The following STK32B variants were observed in gnomAD, a reference collection of about 807,000 sequenced individuals.
The protein encoded by STK32B is serine/threonine-protein kinase 32B.
STK32B carries 43 observed loss-of-function variants against 52.6 expected under a neutral mutation model. That is an observed-to-expected ratio of 0.82 (90% CI 0.64 to 1.05). The LOEUF is 1.05. Among genes scored for constraint, STK32B ranks in the 50% least tolerant of loss-of-function variants. The pLI, the probability that STK32B is intolerant of heterozygous loss-of-function variation, is 0.00. For missense variants in STK32B, 621 were observed against 534.6 expected (o/e 1.16, Z -1.59); for synonymous variants, 238 against 204.3 (o/e 1.17, Z -1.41).
At chr4:5,115,166 C>T (rs142017486) in intron 1 of STK32B, among the ~76,000 whole-genome samples, 1 of 152,238 alleles carries the variant, frequency 6.6e-6, no homozygotes, top group East Asian at 1.9e-4. Context: ...GTTGAGTGTG[C>T]TGTGTTGGCT....
At chr4:5,216,361 G>A (rs1723183614) in intron 3 of STK32B, among the ~76,000 whole-genome samples, 1 of 152,200 alleles carries the variant, frequency 6.6e-6, no homozygotes, top group African/African-American at 2.4e-5. Flanking sequence ...AGCAGACACA[G>A]TGCTTACCCT....
chr4:5,060,480 G>C (rs1466008555), intron 1 of STK32B, among the ~76,000 whole-genome samples: 1 of 151,458 alleles, frequency 6.6e-6, no homozygotes, highest in Non-Finnish European at 1.5e-5. Context: ...ATTTTTATTT[G>C]TTTTCTTTTT....
intron 3 of STK32B, among the ~76,000 whole-genome samples, chr4:5,188,661 T>A (rs1720932781): frequency 6.6e-6 from 1 of 152,184 alleles, no homozygotes; most frequent in African/African-American, 2.4e-5. Flanking sequence ...GTGGCTACAC[T>A]TTCACCTGGG....
chr4:5,102,108 C>T (rs1246491811), intron 1 of STK32B, among the ~76,000 whole-genome samples: 1 of 152,196 alleles, frequency 6.6e-6, no homozygotes, highest in Non-Finnish European at 1.5e-5. Context: ...GTCGGATGAT[C>T]CCTGTCCTTT....
chr4:5,334,757 C>T (rs1164823556), intron 4 of STK32B, among the ~76,000 whole-genome samples: 3 of 151,658 alleles, frequency 2.0e-5, no homozygotes, highest in African/African-American at 7.3e-5. Context: ...GTCTTTGGTT[C>T]TGTTTATATG....
Position 5,461,328 on chromosome 4 carries a change from A to G in STK32B, c.909+1100A>G, listed in dbSNP as rs182904165. On this transcript the variant is annotated intron_variant, in intron 9 of 11. Coordinates refer to ENST00000282908, the MANE Select transcript of STK32B (RefSeq NM_018401.3). Reference sequence around the variant, plus strand: ...GGTGGAGACTCCAGCCTGGAAGGCAAGAGATTTCTAGGCTGGTTCCTGGGG... The same window carrying G: ...GGTGGAGACTCCAGCCTGGAAGGCAGGAGATTTCTAGGCTGGTTCCTGGGG... 7.9e-5 allele frequency among the ~76,000 whole-genome samples: 12 copies of G among 152,154 alleles called. 1 individual carries two copies. Among genetic ancestry groups the G allele is most frequent in the African/African-American group, 2.4e-4 (10 of 41,540 alleles).
At chr4:5,338,225 A>AT (rs1199333774) in intron 4 of STK32B, among the ~76,000 whole-genome samples, 3,791 of 152,354 alleles carry the variant, frequency 0.025, 71 homozygotes, top group South Asian at 0.064. Flanking sequence ...ACTTTGATAC[A>AT]AATAACAGAA....
chr4:5,251,217 C>T (rs1489875366), intron 3 of STK32B, among the ~76,000 whole-genome samples: 1 of 152,100 alleles, frequency 6.6e-6, no homozygotes, highest in African/African-American at 2.4e-5. Flanking sequence ...GTTAATCCAT[C>T]TTGTGTTGGT....
chr4:5,226,377 T>C (rs1330028674), intron 3 of STK32B, among the ~76,000 whole-genome samples: 7 of 152,194 alleles, frequency 4.6e-5, no homozygotes, highest in Non-Finnish European at 7.3e-5. Context: ...CATGGTTTCA[T>C]TCTCCATGGT....
chr4:5,144,020 G>T (rs372917604), intron 2 of STK32B, among the ~76,000 whole-genome samples: 1 of 152,192 alleles, frequency 6.6e-6, no homozygotes, highest in Non-Finnish European at 1.5e-5. Flanking sequence ...CTTTAGAGTG[G>T]TTGCCAGAGG....
chr4:5,119,412 C>A (rs1279474943), intron 1 of STK32B, among the ~76,000 whole-genome samples: 3 of 152,234 alleles, frequency 2.0e-5, no homozygotes, highest in African/African-American at 7.2e-5. Context: ...TTTGCCATTT[C>A]CACATGGAAA....
At chr4:5,482,471 T>G (rs1433214534) in intron 11 of STK32B, among the ~76,000 whole-genome samples, 2 of 152,172 alleles carry the variant, frequency 1.3e-5, no homozygotes, top group East Asian at 3.9e-4. Context: ...CTTATCAGCT[T>G]AAGGAGATTT....
chr4:5,117,399 AT>A (rs58704388), intron 1 of STK32B, among the ~76,000 whole-genome samples: 5 of 151,648 alleles, frequency 3.3e-5, no homozygotes, highest in African/African-American at 7.3e-5. Flanking sequence ...TGATCATATG[AT>A]TTTTTTTTCT....
intron 2 of STK32B, among the ~76,000 whole-genome samples, chr4:5,153,107 T>A (rs1345698182): frequency 6.6e-6 from 1 of 152,212 alleles, no homozygotes; most frequent in Non-Finnish European, 1.5e-5. Context: ...CCCTCCCAGA[T>A]ACAGAAGTGA....
At chr4:5,169,085 C>T (rs890105257) in intron 3 of STK32B, among the ~76,000 whole-genome samples, 3 of 152,328 alleles carry the variant, frequency 2.0e-5, no homozygotes, top group Non-Finnish European at 2.9e-5. Flanking sequence ...AACACCTGTG[C>T]ATTCCTGGCA....
intron 1 of STK32B, among the ~76,000 whole-genome samples, chr4:5,089,830 A>G (rs557770496): frequency 6.6e-6 from 1 of 152,176 alleles, no homozygotes; most frequent in Non-Finnish European, 1.5e-5. Flanking sequence ...ACAGTGTAAA[A>G]GCGTTCGTAT....
intron 3 of STK32B, among the ~76,000 whole-genome samples, chr4:5,221,932 C>G (rs139737623): frequency 4.7e-4 from 71 of 151,830 alleles, no homozygotes; most frequent in African/African-American, 1.6e-3. Flanking sequence ...GATTAGGCCA[C>G]CAGGTCTCCT....
intron 1 of STK32B, among the ~76,000 whole-genome samples, chr4:5,099,062 C>T (rs558747709): frequency 2.6e-5 from 4 of 152,160 alleles, no homozygotes; most frequent in Non-Finnish European, 4.4e-5. Flanking sequence ...ATAGTTCTTT[C>T]TGGAGGCTCT....
At chr4:5,137,319 A>G (rs1206233074) in intron 1 of STK32B, among the ~76,000 whole-genome samples, 1 of 152,206 alleles carries the variant, frequency 6.6e-6, no homozygotes, top group East Asian at 1.9e-4. Flanking sequence ...TCTGGCAAGA[A>G]GGAGCAGAAG....
Sources: gnomAD v4.1 joint callset for allele counts (sites outside exome capture counted in the v4.1 genomes callset) on GRCh38, gnomAD v4.1.1 for gene constraint, MANE v1.5 for transcripts, NCBI Gene and HGNC (gene_info 2026-07-23, HGNC 2026-07-21) for gene names.